Variants in MACF1 observed in about 807,000 individuals in gnomAD.
The protein encoded by MACF1 is microtubule-actin cross-linking factor 1.
A neutral mutation model predicts 854.8 loss-of-function variants in MACF1; 193 were observed. The ratio of observed to expected loss-of-function variants is 0.23; its 90% CI spans 0.20 to 0.25. The LOEUF (loss-of-function observed/expected upper bound fraction) is 0.25. MACF1 is among the 10% of genes least tolerant of loss of function. MACF1 has a pLI of 1.00. For synonymous variants in MACF1, 3,185 were observed against 3,226.7 expected (o/e 0.99, Z 0.44); for missense variants, 7,722 against 8,929.1 (o/e 0.86, Z 5.45).
At chr1:39,316,318 T>C (rs1646411379) in intron 27 of MACF1, 73 bp from the exon 28 acceptor site, 7 of 1,311,238 alleles carry the variant, frequency 5.3e-6, no homozygotes, top group Non-Finnish European at 7.3e-6. Context: ...AACCTCTCTA[T>C]AGCACTCCAG....
intron 1 of MACF1, among the ~76,000 whole-genome samples, chr1:39,227,987 T>C (rs1490676233): frequency 1.3e-5 from 2 of 152,326 alleles, no homozygotes; most frequent in East Asian, 1.9e-4. Flanking sequence ...TTACCTGTTA[T>C]AGCACTTAAT....
intron 50 of MACF1, 55 bp from the exon 51 acceptor site, chr1:39,369,975 C>G: frequency 6.5e-7 from 1 of 1,534,844 alleles, no homozygotes; most frequent in Non-Finnish European, 8.9e-7. Context: ...ACTCTTAGCT[C>G]AAGTTGACTT....
At chr1:39,401,494 C>A (rs1345452711) in intron 58 of MACF1, among the ~76,000 whole-genome samples, 1 of 152,152 alleles carries the variant, frequency 6.6e-6, no homozygotes, top group Non-Finnish European at 1.5e-5. Flanking sequence ...GTTTCAGAAG[C>A]AAGCAGCTTA....
In MACF1 at chr1:39,437,840, C is replaced by T; in HGVS notation, c.18052C>T (p.Pro6018Ser). Residue 6018 changes from proline to serine, a missense_variant, in exon 71 of 101, where the codon CCA (proline) becomes TCA (serine). By Grantham distance (74) the Pro-to-Ser change is moderately conservative. Around this residue, in one of 15 missense-constraint regions of MACF1, gnomAD observed 2,807 missense variants for 3,235.8 expected, o/e 0.87. Coordinates refer to ENST00000564288, the MANE Select transcript of MACF1 (RefSeq NM_001394062.1). The part of the protein sequence containing the change: ...LENLSSRLRM[P>S]PLIPAEVDKI... ...GAATCTTTCCTCTCGCCTGCGTATG[C>T]CACCACTGATCCCTGCTGAAGTAGA... The T allele has an allele frequency of 6.2e-7, 1 of 1,614,086 alleles. No individual in the cohort carries two copies. The highest frequency in any genetic ancestry group is 8.5e-7 in the Non-Finnish European group (1 of 1,179,998).
chr1:39,477,640 C>T lies in MACF1; in HGVS notation c.21959-2158C>T, dbSNP rs138601390. ...GGTCTGAGGGGAGGAGTGGAGACAG[C>T]GAATGTAGGTGGTGATGGAGAGAGC... On this transcript the variant is annotated intron_variant, in intron 97 of 100. Coordinates refer to ENST00000564288, the MANE Select transcript of MACF1 (RefSeq NM_001394062.1). 9.0e-4 allele frequency among the ~76,000 whole-genome samples: 136 copies of T among 151,044 alleles called. 1 individual carries two copies. Among genetic ancestry groups the T allele is most frequent in the African/African-American group, 3.2e-3 (133 of 41,090 alleles).
Position 39,334,802 on chromosome 1 carries a change from G to A in MACF1, c.8214G>A (p.Gln2738=). 2.5e-6 allele frequency: 4 copies of A among 1,614,172 alleles called. No homozygotes were observed. The highest frequency in any genetic ancestry group is 2.5e-6 in the Non-Finnish European group (3 of 1,180,018). The change falls in exon 37 of 101, where the codon CAG becomes CAA. Residue 2738 remains glutamine, a synonymous_variant. Coordinates refer to ENST00000564288, the MANE Select transcript of MACF1 (RefSeq NM_001394062.1). The part of the protein sequence containing the change: ...NGGIVDIFSD[Q]RVTLVEAIEK... ...GAATTGTTGACATATTTAGTGATCA[G>A]AGAGTGACTTTAGTAGAAGCTATTG...
At chr1:39,383,769 C>T (rs535963402) in intron 56 of MACF1, among the ~76,000 whole-genome samples, 3 of 151,552 alleles carry the variant, frequency 2.0e-5, no homozygotes, top group African/African-American at 4.9e-5. Flanking sequence ...CCCAGCTGCT[C>T]GGGAGGCTGA....
At chr1:39,461,525 G>C (rs984640411) in intron 92 of MACF1, among the ~76,000 whole-genome samples, 42 of 151,804 alleles carry the variant, frequency 2.8e-4, no homozygotes, top group East Asian at 1.9e-4. Flanking sequence ...GTGGTGGCTC[G>C]CGCCTGTAAT....
chr1:39,358,356 A>G (rs550356300), intron 45 of MACF1, among the ~76,000 whole-genome samples: 1 of 152,314 alleles, frequency 6.6e-6, no homozygotes, highest in East Asian at 1.9e-4. Context: ...TACCTGTCTT[A>G]TGCCTTCTGC....
At chr1:39,482,667 C>T (rs61779314) in intron 99 of MACF1, among the ~76,000 whole-genome samples, 21,830 of 151,672 alleles carry the variant, frequency 0.14, 1,990 homozygotes, top group Non-Finnish European at 0.19. Context: ...TGGTGGCAGG[C>T]GCCTGTTGTC....
At chr1:39,372,637 T>G in intron 52 of MACF1, 41 bp downstream of exon 52, 1 of 1,411,712 alleles carries the variant, frequency 7.1e-7, no homozygotes, top group Admixed American at 1.7e-5. Context: ...TAAAAATTGC[T>G]CTTTGCTTTT....
In MACF1 at chr1:39,452,774, G is replaced by A. The variant is rs1291104138; in HGVS notation, c.20704G>A (p.Asp6902Asn). The change falls in exon 87 of 101, where the codon GAC becomes AAC. Residue 6902 changes from aspartate to asparagine, a missense_variant. Physicochemically the swap from Asp to Asn is conservative, Grantham distance 23. Around this residue, in one of 15 missense-constraint regions of MACF1, gnomAD observed 729 missense variants for 900.5 expected, o/e 0.81. Coordinates refer to ENST00000564288, the MANE Select transcript of MACF1 (RefSeq NM_001394062.1). The stretch of plus-strand genomic sequence containing the variant: ...TCGCTTTCGGGGAGCACTTCCTGAT[G>A]ACACAGAGGCCCTGCAGTCTCTCAT... The part of the protein sequence containing the change: ...TLRFRGALPD[D>N]TEALQSLIDT... The A allele has an allele frequency of 6.2e-7, 1 of 1,614,116 alleles. No individual in the cohort carries two copies. Among genetic ancestry groups the A allele is most frequent in the Admixed American group, 1.7e-5 (1 of 60,032 alleles).
rs1647245014 is a variant in MACF1 at position 39,353,035 on chromosome 1, A to G, written c.11228A>G (p.Asn3743Ser). The G allele has an allele frequency of 6.2e-7, 1 of 1,613,882 alleles. No individual in the cohort carries two copies. Among genetic ancestry groups the G allele is most frequent in the Non-Finnish European group, 8.5e-7 (1 of 1,179,910 alleles). ...KSKAAKELAE[N>S]KKKIDALLDW... ...AAAGCAGCAAAGGAACTGGCAGAGA[A>G]CAAGAAGAAGATCGATGCTCTCCTG... Residue 3743 changes from asparagine (N) to serine (S), a missense_variant, in exon 44 of 101, where the codon AAC (asparagine) becomes AGC (serine). Transcript: ENST00000564288.
intron 76 of MACF1, 40 bp downstream of exon 76, chr1:39,442,360 G>A (rs780443381): frequency 6.4e-5 from 103 of 1,604,232 alleles, no homozygotes; most frequent in Admixed American, 1.7e-4. Context: ...ACTACTCTCC[G>A]CTCTTTTCTA....
At chr1:39,375,034 C>CCT (rs1649590928) in intron 52 of MACF1, among the ~76,000 whole-genome samples, 1 of 150,656 alleles carries the variant, frequency 6.6e-6, no homozygotes, top group Non-Finnish European at 1.5e-5. Context: ...GGCATGAACC[C>CCT]GGGAGGCAGA....
chr1:39,406,891 C>T (rs1447815969), intron 58 of MACF1, among the ~76,000 whole-genome samples: 1 of 152,078 alleles, frequency 6.6e-6, no homozygotes, highest in Non-Finnish European at 1.5e-5. Flanking sequence ...TGTATTTGGC[C>T]AGGGATATTT....
At chr1:39,163,507 T>C (rs1216743943) in intron 2 of MACF1, among the ~76,000 whole-genome samples, 2 of 152,200 alleles carry the variant, frequency 1.3e-5, no homozygotes, top group Non-Finnish European at 2.9e-5. Context: ...AAGATGGTAC[T>C]ACTAGTCTGT....
intron 1 of MACF1, among the ~76,000 whole-genome samples, chr1:39,206,355 AT>A (rs1472102090): frequency 6.6e-6 from 1 of 152,184 alleles, no homozygotes; most frequent in Non-Finnish European, 1.5e-5. Context: ...GTTTGGTCCT[AT>A]TTACTATTTC....
At position 39,363,368 on chromosome 1, in the gene MACF1, A is replaced by G. The variant is rs187106206; in HGVS notation, c.12771+1691A>G. Among the ~76,000 whole-genome samples the G allele has an allele frequency of 7.9e-5, 12 of 152,220 alleles. No individual in the cohort carries two copies. In the East Asian group the frequency reaches 1.9e-3, roughly 24 times the overall value. On this transcript the variant is annotated intron_variant, in intron 49 of 100. Transcript: ENST00000564288. ...TTTTCACCCATCCCCATAGTAACACATTTCAGGTTTATTTTTTTCTATTCC... is the reference window on the plus strand; with the variant it reads ...TTTTCACCCATCCCCATAGTAACACGTTTCAGGTTTATTTTTTTCTATTCC...
Sources: allele counts gnomAD v4.1 joint callset (sites outside exome capture counted in the v4.1 genomes callset), GRCh38; gene constraint gnomAD v4.1.1; regional missense constraint gnomAD v4.1.1; transcripts MANE v1.5; gene names NCBI Gene and HGNC (gene_info 2026-07-23, HGNC 2026-07-21).